The following CENPP variants were observed in gnomAD, a reference collection of about 807,000 sequenced individuals.
CENPP encodes centromere protein P.
CENPP carries 24 observed loss-of-function variants against 35.6 expected under a neutral mutation model. That is an observed-to-expected ratio of 0.67 (90% CI 0.49 to 0.95). CENPP has a LOEUF of 0.95. Ranked by LOEUF, CENPP falls within the 40% of genes least tolerant of loss-of-function variation. CENPP has a pLI of 0.00. For synonymous variants in CENPP, 120 were observed against 125.5 expected, an observed-to-expected ratio of 0.96 and a Z score of 0.29; for missense variants, 332 against 345.3, an observed-to-expected ratio of 0.96 and a Z score of 0.31.
chr9:92,580,749 A>G (rs7865680), intron 5 of CENPP, among the ~76,000 whole-genome samples: 8,477 of 122,514 alleles, frequency 0.069, no homozygotes, highest in Admixed American at 0.09. Flanking sequence ...TTTTCAAAAA[A>G]CCAGCTCCTG....
At chr9:92,353,150 A>T (rs966819419) in intron 4 of CENPP, among the ~76,000 whole-genome samples, 6 of 152,224 alleles carry the variant, frequency 3.9e-5, no homozygotes, top group African/African-American at 1.4e-4. Context: ...AGGAAAAAGG[A>T]AATAAAATGA....
intron 5 of CENPP, chr9:92,457,266 G>A (rs1357576881): frequency 1.2e-6 from 2 of 1,607,232 alleles, no homozygotes; most frequent in Non-Finnish European, 1.7e-6. Flanking sequence ...TATATTAAAT[G>A]GACATTACCA....
chr9:92,535,871 T>C (rs573422748), intron 5 of CENPP: 124 of 412,258 alleles, frequency 3.0e-4, no homozygotes, highest in African/African-American at 2.5e-3. Context: ...TGAAATAAAA[T>C]ACCCAAATAT....
chr9:92,572,457 C>T (rs1465393125), intron 5 of CENPP, among the ~76,000 whole-genome samples: 9 of 152,186 alleles, frequency 5.9e-5, no homozygotes, highest in East Asian at 3.9e-4. Flanking sequence ...CCGAGAGATC[C>T]GCTGTTAGTC....
intron 5 of CENPP, among the ~76,000 whole-genome samples, chr9:92,464,049 A>T (rs1845213344): frequency 6.6e-6 from 1 of 152,194 alleles, no homozygotes; most frequent in Non-Finnish European, 1.5e-5. Context: ...TAACTCATGG[A>T]TACTGAAAGA....
At chr9:92,536,577 G>A (rs1476589210) in intron 5 of CENPP, 1 of 152,736 alleles carries the variant, frequency 6.5e-6, no homozygotes, top group African/African-American at 2.4e-5. Context: ...AAATGTGAAA[G>A]GGAGCTGTGT....
chr9:92,517,653 C>A, intron 5 of CENPP: 1 of 1,612,240 alleles, frequency 6.2e-7, no homozygotes, highest in South Asian at 1.1e-5. Context: ...AGATTAATCA[C>A]ACACTGATAT....
chr9:92,533,329 ATATATATATAT>A (rs1211124959), intron 5 of CENPP, among the ~76,000 whole-genome samples: 46 of 43,532 alleles, frequency 1.1e-3, no homozygotes, highest in Non-Finnish European at 1.8e-3. Context: ...AAAAAAAAAA[ATATATATATAT>A]ATATATATAT....
intron 5 of CENPP, among the ~76,000 whole-genome samples, chr9:92,584,458 C>T (rs1386481016): frequency 6.6e-6 from 1 of 152,178 alleles, no homozygotes; most frequent in Non-Finnish European, 1.5e-5. Context: ...AAACAGTCCT[C>T]CCACCTTAGC....
chr9:92,512,541 A>T (rs145018201), intron 5 of CENPP, among the ~76,000 whole-genome samples: 2 of 152,278 alleles, frequency 1.3e-5, no homozygotes, highest in East Asian at 3.9e-4. Context: ...GTTTTTGTCC[A>T]TGAATGCTCA....
intron 5 of CENPP, chr9:92,502,627 A>G (rs1846750611): frequency 1.3e-6 from 2 of 1,596,248 alleles, no homozygotes; most frequent in Admixed American, 1.7e-5. Flanking sequence ...TATTTCTTCA[A>G]TTTGGTTATT....
intron 4 of CENPP, among the ~76,000 whole-genome samples, chr9:92,357,186 T>C (rs1459848242): frequency 6.6e-6 from 1 of 151,694 alleles, no homozygotes; most frequent in South Asian, 2.1e-4. Context: ...TTTACCTTTA[T>C]TGAGTCTTTT....
At chr9:92,589,176 C>CA (rs112816928) in intron 5 of CENPP, among the ~76,000 whole-genome samples, 6,209 of 140,670 alleles carry the variant, frequency 0.044, 178 homozygotes, top group South Asian at 0.1. Flanking sequence ...AAAAATACAC[C>CA]AAAAAAAAAA....
chr9:92,475,015 C>T (rs1219476222), intron 5 of CENPP: 8 of 1,255,104 alleles, frequency 6.4e-6, no homozygotes, highest in Non-Finnish European at 8.3e-6. Context: ...AATGAAATGG[C>T]ATTTTAATCC....
At chr9:92,514,080 A>T (rs917235606) in intron 5 of CENPP, among the ~76,000 whole-genome samples, 2 of 151,636 alleles carry the variant, frequency 1.3e-5, no homozygotes, top group Non-Finnish European at 1.5e-5. Flanking sequence ...AATTTTTAGG[A>T]TGAAATTAAA....
At chr9:92,546,702 C>T (rs1405772217) in intron 5 of CENPP, among the ~76,000 whole-genome samples, 1 of 152,136 alleles carries the variant, frequency 6.6e-6, no homozygotes, top group African/African-American at 2.4e-5. Flanking sequence ...TTCTTGAAGT[C>T]AGTGAGACCA....
intron 5 of CENPP, among the ~76,000 whole-genome samples, chr9:92,542,503 T>C (rs1238477146): frequency 1.6e-5 from 2 of 127,104 alleles, no homozygotes; most frequent in African/African-American, 8.4e-5. Context: ...TGTTTTCTTT[T>C]CTTTCTTTTT....
At chr9:92,393,366 TAAGA>T (rs992412020) in intron 5 of CENPP, 16 of 715,588 alleles carry the variant, frequency 2.2e-5, no homozygotes, top group Non-Finnish European at 4.4e-6. Flanking sequence ...TACAGAATCA[TAAGA>T]AAGATAGTCA....
At chr9:92,508,285 C>T (rs115280161) in intron 5 of CENPP, among the ~76,000 whole-genome samples, 218 of 152,314 alleles carry the variant, frequency 1.4e-3, no homozygotes, top group African/African-American at 4.8e-3. Flanking sequence ...AGAAGCACTG[C>T]CGGCATGGGG....
Sources: allele counts gnomAD v4.1 joint callset (sites outside exome capture counted in the v4.1 genomes callset), GRCh38; gene constraint gnomAD v4.1.1; transcripts MANE v1.5; gene names NCBI Gene and HGNC (gene_info 2026-07-23, HGNC 2026-07-21).